Variants in ANKH observed in about 807,000 individuals in gnomAD.
The protein encoded by ANKH is mineralization regulator ANKH.
Under a neutral mutation model 49.0 loss-of-function variants are expected in ANKH, and 15 were observed. The ratio of observed to expected loss-of-function variants is 0.31; its 90% confidence interval spans 0.20 to 0.47. The LOEUF is 0.47. Ranked by LOEUF, ANKH falls within the 20% of genes least tolerant of loss-of-function variation. The pLI is 1.00. For missense variants in ANKH, 429 were observed against 652.0 expected (o/e 0.66, Z 3.72); for synonymous variants, 273 against 260.0 (o/e 1.05, Z -0.48).
intron 8 of ANKH, among the ~76,000 whole-genome samples, chr5:14,734,290 T>C (rs1738100266): frequency 6.6e-6 from 1 of 151,600 alleles, no homozygotes; most frequent in Middle Eastern, 3.4e-3. Context: ...CAATCGGAAT[T>C]AGTTTAGCCC....
intron 1 of ANKH, among the ~76,000 whole-genome samples, chr5:14,793,068 T>TAAAAATATATATATAAATATATATA (rs34792124): frequency 1.1e-5 from 1 of 91,816 alleles, no homozygotes; most frequent in African/African-American, 4.6e-5. Flanking sequence ...AAAATATATA[T>TAAAAATATATATATAAATATATATA]AAATATATAA....
intron 8 of ANKH, among the ~76,000 whole-genome samples, chr5:14,735,493 T>C (rs151053809): frequency 5.3e-5 from 8 of 152,318 alleles, no homozygotes; most frequent in African/African-American, 1.9e-4. Context: ...TCAGAAATCA[T>C]AGTTGTTAGC....
At chr5:14,759,846 A>G (rs1739020119) in intron 2 of ANKH, among the ~76,000 whole-genome samples, 1 of 86,662 alleles carries the variant, frequency 1.2e-5, no homozygotes, top group African/African-American at 4.7e-5. Context: ...AAGGGAAGGG[A>G]AGGAAAGGGA....
At chr5:14,869,376 C>G (rs1055904594) in intron 1 of ANKH, 1 of 152,230 alleles carries the variant, frequency 6.6e-6, no homozygotes, top group Non-Finnish European at 1.5e-5. Context: ...TTCTTCTCCC[C>G]ATTTCTCCAC....
intron 1 of ANKH, among the ~76,000 whole-genome samples, chr5:14,789,884 AT>A (rs1422357746): frequency 2.6e-5 from 4 of 151,978 alleles, no homozygotes; most frequent in Non-Finnish European, 5.9e-5. Flanking sequence ...CTAATTTTGT[AT>A]TTTTAGTAGA....
At position 14,857,925 on chromosome 5, in the gene ANKH, T is replaced by C. The variant is rs1037842195; in HGVS notation, c.96+13427A>G. The stretch of plus-strand genomic sequence containing the variant: ...GGTGTGGGGCCGCTCTGCAGAAGCC[T>C]GGAAAAGGGGCACATTGTGACCGGT... On this transcript the variant is annotated intron_variant, in intron 1 of 11. Coordinates refer to ENST00000284268, the MANE Select transcript of ANKH (RefSeq NM_054027.6). Among the ~76,000 whole-genome samples, 4 of 152,284 alleles carry C rather than the reference T, an allele frequency of 2.6e-5. No homozygotes were observed. The East Asian group carries it at 7.7e-4, about 29-fold the overall frequency.
intron 8 of ANKH, among the ~76,000 whole-genome samples, chr5:14,726,176 C>G (rs1309637404): frequency 6.6e-6 from 1 of 152,106 alleles, no homozygotes; most frequent in Non-Finnish European, 1.5e-5. Flanking sequence ...GGTGGAGGGG[C>G]CAGCACAGGG....
intron 8 of ANKH, among the ~76,000 whole-genome samples, chr5:14,729,211 G>C (rs1056905059): frequency 4.6e-5 from 7 of 152,092 alleles, no homozygotes; most frequent in African/African-American, 1.7e-4. Context: ...GTGCCACCAT[G>C]CCTGGCTAAT....
rs16903692 is a variant in ANKH at position 14,750,946 on chromosome 5, G to T, written c.687+123C>A. 0.061 allele frequency: 74,392 copies of T among 1,219,334 alleles called. 3,332 individuals carry two copies. The highest frequency in any genetic ancestry group is 0.23 in the Admixed American group (12,002 of 52,590). The allele number at this position is 1,219,334 out of a possible 1,614,324, so 75.5% of individuals were successfully genotyped here. A position where few individuals can be genotyped will look rare whatever the true frequency, so the allele number is the denominator to read the frequency against. On this transcript the variant is annotated intron_variant, in intron 5 of 11. Coordinates refer to ENST00000284268, the MANE Select transcript of ANKH (RefSeq NM_054027.6). ...GCAGACATCTAGCACTTGGCCTCTG[G>T]GTATGACATCCTGGCCAACTTCATG...
At chr5:14,846,216 A>G (rs1359217300) in intron 1 of ANKH, among the ~76,000 whole-genome samples, 2 of 152,226 alleles carry the variant, frequency 1.3e-5, no homozygotes, top group Non-Finnish European at 2.9e-5. Flanking sequence ...GTAAATATGC[A>G]TAAGGCAGTG....
intron 4 of ANKH, among the ~76,000 whole-genome samples, chr5:14,755,119 C>A (rs1339499420): frequency 6.6e-6 from 1 of 151,266 alleles, no homozygotes; most frequent in Non-Finnish European, 1.5e-5. Flanking sequence ...TATAGTCTAA[C>A]CTCTTCCTCT....
At chr5:14,866,926 G>A (rs1267993297) in intron 1 of ANKH, among the ~76,000 whole-genome samples, 1 of 152,108 alleles carries the variant, frequency 6.6e-6, no homozygotes, top group East Asian at 1.9e-4. Flanking sequence ...GAAGGCCAAG[G>A]TAGGTGGATC....
At chr5:14,798,005 A>C in intron 1 of ANKH, 1 of 1,565,594 alleles carries the variant, frequency 6.4e-7, no homozygotes, top group Admixed American at 1.7e-5. Context: ...TCTGGGGCAT[A>C]TAACGGGCCC....
Position 14,713,617 on chromosome 5 carries a change from A to T in ANKH, c.1192T>A (p.Phe398Ile). ...TGWLMTLKKT[F>I]VLAPSSVLRI... Reference sequence around the variant, plus strand: ...AGCACAGAGCTGGGGGCAAGGACGAAGGTTTTCTTCAGTGTCATCAGCCAC... The same window carrying T: ...AGCACAGAGCTGGGGGCAAGGACGATGGTTTTCTTCAGTGTCATCAGCCAC... Residue 398 changes from phenylalanine to isoleucine, a missense_variant, in exon 10 of 12, where the codon TTC becomes ATC. Around this residue, in one of 2 missense-constraint regions of ANKH, gnomAD observed 378 missense variants for 615.3 expected, o/e 0.61. Transcript: ENST00000284268. The surrounding 1 kb of genome is among the most constrained non-coding windows in gnomAD (Gnocchi z 4.4). The T allele has an allele frequency of 6.2e-7, 1 of 1,614,182 alleles. No homozygotes were observed. The highest frequency in any genetic ancestry group is 8.5e-7 in the Non-Finnish European group (1 of 1,180,030).
chr5:14,713,570 G>A lies in ANKH; in HGVS notation c.1239C>T (p.Ala413=). Residue 413 remains alanine, a synonymous_variant, in exon 10 of 12, where the codon GCC becomes GCT. Coordinates refer to ENST00000284268, the MANE Select transcript of ANKH (RefSeq NM_054027.6). This position sits in a 1 kb window ranked among gnomAD's most constrained non-coding sequence, Gnocchi z 4.4. ...SSVLRIIVLI[A]SLVVLPYLGV... Reference sequence around the variant, plus strand: ...CCAGGTAGGGTAGGACCACGAGGCTGGCGATGAGGACGATGATCCGCAGCA... The same window carrying A: ...CCAGGTAGGGTAGGACCACGAGGCTAGCGATGAGGACGATGATCCGCAGCA... 1.2e-6 allele frequency: 2 copies of A among 1,614,206 alleles called. No homozygotes were observed. The highest frequency in any genetic ancestry group is 2.2e-5 in the South Asian group (2 of 91,082).
chr5:14,775,058 C>CT (rs33960345), intron 1 of ANKH, among the ~76,000 whole-genome samples: 116,305 of 151,080 alleles, frequency 0.77, 44,828 homozygotes, highest in South Asian at 0.86. Flanking sequence ...CATAAGTCCC[C>CT]TTTTTTTTCT....
chr5:14,775,760 G>T (rs1739597160), intron 1 of ANKH, among the ~76,000 whole-genome samples: 3 of 152,112 alleles, frequency 2.0e-5, no homozygotes, highest in African/African-American at 7.2e-5. Flanking sequence ...TGGACAAGCA[G>T]GCAATGCTGA....
intron 1 of ANKH, among the ~76,000 whole-genome samples, chr5:14,865,830 C>G (rs1303579850): frequency 1.3e-5 from 2 of 152,126 alleles, no homozygotes; most frequent in African/African-American, 4.8e-5. Flanking sequence ...AATTTGGAAC[C>G]CTCTTATACT....
intron 1 of ANKH, among the ~76,000 whole-genome samples, chr5:14,819,898 T>TACACAC (rs1188887631): frequency 1.8e-3 from 157 of 87,128 alleles, no homozygotes; most frequent in African/African-American, 7.2e-3. Flanking sequence ...ACAACAAAAA[T>TACACAC]ATACACACAC....
Sources: gnomAD v4.1 joint callset for allele counts (sites outside exome capture counted in the v4.1 genomes callset) on GRCh38, gnomAD v4.1.1 for gene constraint, gnomAD v4.1.1 regional missense constraint, Gnocchi (gnomAD v3.1) non-coding constraint, MANE v1.5 for transcripts, NCBI Gene and HGNC (gene_info 2026-07-23, HGNC 2026-07-21) for gene names.